SP6: variants seen among roughly 807,000 people sequenced by gnomAD.
SP6 encodes Sp6 transcription factor.
In SP6, 10 loss-of-function variants were observed where a neutral mutation model predicts 23.4. The ratio of observed to expected loss-of-function variants is 0.43; its 90% confidence interval spans 0.26 to 0.72. The LOEUF is 0.72. SP6 is among the 30% of genes least tolerant of loss of function. The probability of loss-of-function intolerance (pLI) is 0.23; values close to 1 mark genes in which losing one functional copy is unlikely to be tolerated. For synonymous variants in SP6, 238 were observed against 238.7 expected, an observed-to-expected ratio of 1.00 and a Z score of 0.03; for missense variants, 482 against 523.8, an observed-to-expected ratio of 0.92 and a Z score of 0.78.
At chr17:47,855,660 A>C (rs1047111524), upstream of SP6, 1 of 152,436 alleles carries the variant, frequency 6.6e-6, no homozygotes, top group Non-Finnish European at 1.5e-5. Context: ...TTACCAGTCC[A>C]TGGAGCCCAG....
At chr17:47,852,216 C>T (rs1366520105), upstream of SP6, among the ~76,000 whole-genome samples, 1 of 152,146 alleles carries the variant, frequency 6.6e-6, no homozygotes, top group African/African-American at 2.4e-5. Flanking sequence ...AATTCACATG[C>T]CCAGTGCAAT....
chr17:47,866,319 G>A, the SP6 span, among the ~76,000 whole-genome samples: 1 of 152,126 alleles, frequency 6.6e-6, no homozygotes, highest in Non-Finnish European at 1.5e-5. Flanking sequence ...TCTCTGAGAG[G>A]GTTTCTTGGA....
chr17:47,861,485 C>T, the SP6 span, among the ~76,000 whole-genome samples: 1 of 152,238 alleles, frequency 6.6e-6, no homozygotes, highest in Admixed American at 6.5e-5. Context: ...GTAATCCCAG[C>T]ACTTTGGGAA....
Position 47,847,264 on chromosome 17 carries a change from C to A in SP6, c.*35G>T, listed in dbSNP as rs748924737. ...ACCTGGGGGCTCGCATCCAGTGCCCCCCGGGATACCCGCAGGGAGGCGGCA... is the reference window on the plus strand; with the variant it reads ...ACCTGGGGGCTCGCATCCAGTGCCCACCGGGATACCCGCAGGGAGGCGGCA... On this transcript the variant is annotated 3_prime_UTR_variant, in exon 2 of 2. Transcript: ENST00000536300. 4.5e-5 allele frequency: 66 copies of A among 1,472,506 alleles called. No individual in the cohort carries two copies. Among genetic ancestry groups the A allele is most frequent in the Non-Finnish European group, 5.4e-6 (6 of 1,110,600 alleles). 91.2% of individuals were successfully genotyped at this position (1,472,506 alleles called of 1,614,324 possible). A position where few individuals can be genotyped will look rare whatever the true frequency, so the allele number is the denominator to read the frequency against.
chr17:47,866,306 G>A, the SP6 span, among the ~76,000 whole-genome samples: 21 of 152,256 alleles, frequency 1.4e-4, 1 homozygote, highest in South Asian at 2.1e-3. Context: ...GGCCAGGGAG[G>A]GGTCTCTGAG....
chr17:47,876,168 C>T, the SP6 span, among the ~76,000 whole-genome samples: 3 of 152,052 alleles, frequency 2.0e-5, no homozygotes, highest in African/African-American at 7.2e-5. Context: ...CTGGTAGATT[C>T]GAGGTGGTTG....
upstream of SP6, among the ~76,000 whole-genome samples, chr17:47,859,781 G>A (rs1348681618): frequency 6.6e-6 from 1 of 152,216 alleles, no homozygotes; most frequent in East Asian, 1.9e-4. Flanking sequence ...GGACATGCAG[G>A]GTTGGAGTGA....
In SP6 at chr17:47,848,626, G is replaced by C. The variant is rs999743364; in HGVS notation, c.-57-140C>G. The C allele has an allele frequency of 1.8e-6, 1 of 545,470 alleles. No individual in the cohort carries two copies. The highest frequency in any genetic ancestry group is 3.2e-6 in the Non-Finnish European group (1 of 308,348). 33.8% of individuals were successfully genotyped at this position (545,470 alleles called of 1,614,324 possible). A position where few individuals can be genotyped will look rare whatever the true frequency, so the allele number is the denominator to read the frequency against. Reference sequence around the variant, plus strand: ...GACTAGAGATGAGTTTAGAGAATTCGGGAGTGCGAGGAAGGGTCCAAGATG... The same window carrying C: ...GACTAGAGATGAGTTTAGAGAATTCCGGAGTGCGAGGAAGGGTCCAAGATG... On this transcript the variant is annotated intron_variant, in intron 1 of 1. Coordinates refer to ENST00000536300, the MANE Select transcript of SP6 (RefSeq NM_001258248.2). This position sits in a 1 kb window ranked among gnomAD's most constrained non-coding sequence, Gnocchi z 5.3.
Position 47,847,808 on chromosome 17 carries a change from C to A in SP6, c.622G>T (p.Gly208Trp), listed in dbSNP as rs781076818. ...ESQGLDSSLD[G>W]AARPKGSRRS... ...CGGGAGCCTTTGGGACGCGCCGCCC[C>A]GTCCAGGCTGGAATCCAGCCCTTGA... The change falls in exon 2 of 2, where the codon GGG becomes TGG. Residue 208 changes from glycine to tryptophan, a missense_variant. Transcript: ENST00000536300. The A allele has an allele frequency of 1.2e-5, 19 of 1,532,500 alleles. No individual in the cohort carries two copies. The highest frequency in any genetic ancestry group is 1.7e-5 in the Non-Finnish European group (19 of 1,143,640). The allele number at this position is 1,532,500 out of a possible 1,614,324, so 94.9% of individuals were successfully genotyped here.
At chr17:47,852,035 C>T (rs1464211857), upstream of SP6, among the ~76,000 whole-genome samples, 1 of 152,076 alleles carries the variant, frequency 6.6e-6, no homozygotes, top group Non-Finnish European at 1.5e-5. Flanking sequence ...CACACCCTCG[C>T]CCCCGAGCAC....
At chr17:47,872,916 G>C in the SP6 span, among the ~76,000 whole-genome samples, 2 of 152,194 alleles carry the variant, frequency 1.3e-5, no homozygotes, top group Non-Finnish European at 2.9e-5. Flanking sequence ...AGAATGTCCT[G>C]GGACCGGGGC....
At chr17:47,861,274 G>A in the SP6 span, among the ~76,000 whole-genome samples, 1 of 152,194 alleles carries the variant, frequency 6.6e-6, no homozygotes, top group Admixed American at 6.5e-5. Flanking sequence ...CTCTGGCCGG[G>A]GTGGGGGCCT....
At chr17:47,859,806 T>C (rs73985422), upstream of SP6, among the ~76,000 whole-genome samples, 5,093 of 151,122 alleles carry the variant, frequency 0.034, 276 homozygotes, top group African/African-American at 0.12. Flanking sequence ...TGAGGGAGAG[T>C]GAAGCTCCCC....
intron 1 of SP6, among the ~76,000 whole-genome samples, chr17:47,850,287 G>A (rs961589606): frequency 6.6e-6 from 1 of 152,210 alleles, no homozygotes; most frequent in Non-Finnish European, 1.5e-5. Context: ...GAAACCCAAA[G>A]CGGGGTGATT....
At chr17:47,874,475 G>A in the SP6 span, among the ~76,000 whole-genome samples, 1 of 152,170 alleles carries the variant, frequency 6.6e-6, no homozygotes, top group Non-Finnish European at 1.5e-5. Context: ...GGGAGGCTGA[G>A]GTAGAAGGAC....
upstream of SP6, among the ~76,000 whole-genome samples, chr17:47,859,202 C>T (rs1281163294): frequency 6.6e-6 from 1 of 152,206 alleles, no homozygotes; most frequent in African/African-American, 2.4e-5. Flanking sequence ...CCCGCTGGTC[C>T]TCATACAAAC....
the SP6 span, chr17:47,864,436 A>AT: frequency 0.41 from 60,410 of 146,366 alleles, 12,642 homozygotes; most frequent in Non-Finnish European, 0.47. Flanking sequence ...CTAATTTTTA[A>AT]TTTTTTTTTT....
chr17:47,857,493 T>C (rs1046466351), upstream of SP6, among the ~76,000 whole-genome samples: 1 of 152,138 alleles, frequency 6.6e-6, no homozygotes, highest in African/African-American at 2.4e-5. Context: ...TGGGAGAATC[T>C]TGGGGTTGGG....
At chr17:47,869,627 T>C in the SP6 span, among the ~76,000 whole-genome samples, 2 of 152,158 alleles carry the variant, frequency 1.3e-5, no homozygotes, top group African/African-American at 4.8e-5. Context: ...GTAAACACAG[T>C]GCATGATCTC....
Sources: gnomAD v4.1 joint callset for allele counts (sites outside exome capture counted in the v4.1 genomes callset) on GRCh38, gnomAD v4.1.1 for gene constraint, Gnocchi (gnomAD v3.1) non-coding constraint, MANE v1.5 for transcripts, NCBI Gene and HGNC (gene_info 2026-07-23, HGNC 2026-07-21) for gene names.